Variants in TRAPPC9 observed in about 807,000 individuals in gnomAD.
TRAPPC9 encodes IKK2 binding protein.
In TRAPPC9, 83 loss-of-function variants were observed where a neutral mutation model predicts 124.0. The observed-to-expected ratio is 0.67, with a 90% CI of 0.56 to 0.80. The LOEUF is 0.80. TRAPPC9 is among the 30% of genes least tolerant of loss of function. The pLI, the probability that TRAPPC9 is intolerant of heterozygous loss-of-function variation, is 0.00. For synonymous variants in TRAPPC9, 638 were observed against 617.5 expected (o/e 1.03, Z -0.49); for missense variants, 1,302 against 1,508.3 (o/e 0.86, Z 2.27).
intron 21 of TRAPPC9, among the ~76,000 whole-genome samples, chr8:139,801,609 T>TG (rs1276724306): frequency 6.6e-6 from 1 of 151,652 alleles, no homozygotes; most frequent in Non-Finnish European, 1.5e-5. Flanking sequence ...GATGCGAAAG[T>TG]GGGGGGTGGG....
intron 8 of TRAPPC9, among the ~76,000 whole-genome samples, chr8:140,368,778 G>A (rs1428372161): frequency 2.0e-5 from 3 of 152,114 alleles, no homozygotes; most frequent in African/African-American, 7.2e-5. Flanking sequence ...CTCAGTCTGC[G>A]TTTTCTCTTC....
At chr8:139,974,232 CTG>C (rs1049375344) in intron 19 of TRAPPC9, among the ~76,000 whole-genome samples, 5 of 152,322 alleles carry the variant, frequency 3.3e-5, no homozygotes, top group East Asian at 3.9e-4. Context: ...CAAGAGAAAA[CTG>C]TGCGCTTCTA....
chr8:140,201,086 A>G (rs991325076), intron 17 of TRAPPC9, among the ~76,000 whole-genome samples: 1 of 152,218 alleles, frequency 6.6e-6, no homozygotes, highest in African/African-American at 2.4e-5. Flanking sequence ...TCACAGACCC[A>G]GGCCTCTAAG....
chr8:139,970,531 CTT>C (rs1197116098), intron 19 of TRAPPC9, among the ~76,000 whole-genome samples: 4 of 152,132 alleles, frequency 2.6e-5, no homozygotes, highest in Non-Finnish European at 5.9e-5. Flanking sequence ...AGAGAGGCCC[CTT>C]CATACAGCCT....
chr8:139,828,245 C>T (rs1166579081), intron 21 of TRAPPC9, among the ~76,000 whole-genome samples: 2 of 152,182 alleles, frequency 1.3e-5, no homozygotes, highest in Admixed American at 1.3e-4. Flanking sequence ...TCACACTGTA[C>T]CTGGTACACA....
At chr8:140,222,958 T>C (rs2063370364) in intron 16 of TRAPPC9, among the ~76,000 whole-genome samples, 2 of 152,266 alleles carry the variant, frequency 1.3e-5, no homozygotes, top group Admixed American at 6.5e-5. Context: ...GTTGGTAAGA[T>C]GTGGACTCAC....
In TRAPPC9 at chr8:139,742,528, A is replaced by C. The variant is rs1367636271; in HGVS notation, c.3056-10326T>G. On this transcript the variant is annotated intron_variant, in intron 21 of 22. Coordinates refer to ENST00000438773, the MANE Select transcript of TRAPPC9 (RefSeq NM_001160372.4). This position sits in a 1 kb window ranked among gnomAD's most constrained non-coding sequence, Gnocchi z 4.7. ...TCAAGCACAGCACAACACAACATGC[A>C]ATCAGGGACCAGGCAAGTCAGGGGC... 2.0e-5 allele frequency among the ~76,000 whole-genome samples: 3 copies of C among 152,208 alleles called. No homozygotes were observed. The highest frequency in any genetic ancestry group is 2.1e-4 in the South Asian group (1 of 4,834).
intron 17 of TRAPPC9, among the ~76,000 whole-genome samples, chr8:140,215,640 C>A (rs1181427410): frequency 2.8e-5 from 4 of 142,548 alleles, no homozygotes; most frequent in Non-Finnish European, 4.5e-5. Context: ...AGCAAAACTC[C>A]ATCTCCGAAA....
At chr8:139,896,670 G>A (rs565584839) in intron 20 of TRAPPC9, among the ~76,000 whole-genome samples, 9 of 152,298 alleles carry the variant, frequency 5.9e-5, no homozygotes, top group Admixed American at 2.0e-4. Context: ...ACTCCTCACC[G>A]TAAACCTGGA....
intron 17 of TRAPPC9, among the ~76,000 whole-genome samples, chr8:140,032,611 C>A (rs1474986004): frequency 1.3e-5 from 2 of 152,166 alleles, no homozygotes; most frequent in Admixed American, 6.5e-5. Flanking sequence ...TACAGATATG[C>A]TACAGCTTAC....
At chr8:140,184,129 C>G (rs892703153) in intron 17 of TRAPPC9, among the ~76,000 whole-genome samples, 9 of 152,112 alleles carry the variant, frequency 5.9e-5, no homozygotes, top group Non-Finnish European at 1.2e-4. Context: ...GACAAGAAAG[C>G]AGGACAGCAG....
At chr8:139,762,014 C>T (rs1820266436) in intron 21 of TRAPPC9, among the ~76,000 whole-genome samples, 1 of 151,782 alleles carries the variant, frequency 6.6e-6, no homozygotes, top group Non-Finnish European at 1.5e-5. Flanking sequence ...ATAGGTGTCC[C>T]TCTATAACCC....
chr8:140,058,611 G>A (rs903313370), intron 17 of TRAPPC9, among the ~76,000 whole-genome samples: 4 of 152,216 alleles, frequency 2.6e-5, no homozygotes, highest in African/African-American at 9.7e-5. Context: ...TGGGCAGGGA[G>A]CATCCTGACG....
At chr8:139,858,465 C>A (rs1028314275) in intron 21 of TRAPPC9, among the ~76,000 whole-genome samples, 8 of 152,204 alleles carry the variant, frequency 5.3e-5, no homozygotes, top group Non-Finnish European at 1.0e-4. Flanking sequence ...CTCTTCCATG[C>A]CATTTTTATC....
At chr8:140,422,863 G>A (rs1460219618) in intron 5 of TRAPPC9, among the ~76,000 whole-genome samples, 1 of 151,552 alleles carries the variant, frequency 6.6e-6, no homozygotes, top group African/African-American at 2.4e-5. Context: ...AAAATATAGA[G>A]ATGACAATAA....
intron 21 of TRAPPC9, among the ~76,000 whole-genome samples, chr8:139,794,546 G>A (rs73362184): frequency 1.6e-4 from 24 of 152,274 alleles, no homozygotes; most frequent in African/African-American, 5.5e-4. Flanking sequence ...ACAGACGCTG[G>A]GCCCACTTCA....
intron 17 of TRAPPC9, among the ~76,000 whole-genome samples, chr8:140,050,891 CCTT>C (rs1211638550): frequency 1.3e-5 from 2 of 152,206 alleles, no homozygotes; most frequent in Non-Finnish European, 2.9e-5. Flanking sequence ...CTGCACGTGG[CCTT>C]CTTTCTCAGC....
At chr8:139,787,660 G>A (rs536024961) in intron 21 of TRAPPC9, among the ~76,000 whole-genome samples, 45 of 152,236 alleles carry the variant, frequency 3.0e-4, no homozygotes, top group East Asian at 9.7e-4. Context: ...AAAAACTGGC[G>A]ACTATTAACT....
chr8:140,287,406 G>A (rs975473537), intron 13 of TRAPPC9, among the ~76,000 whole-genome samples: 26 of 152,120 alleles, frequency 1.7e-4, no homozygotes, highest in Admixed American at 3.3e-4. Flanking sequence ...TGGGGTCAGA[G>A]CACAGGAAGG....
Sources: gnomAD v4.1 joint callset for allele counts (sites outside exome capture counted in the v4.1 genomes callset) on GRCh38, gnomAD v4.1.1 for gene constraint, Gnocchi (gnomAD v3.1) non-coding constraint, MANE v1.5 for transcripts, NCBI Gene and HGNC (gene_info 2026-07-23, HGNC 2026-07-21) for gene names.